MYO9B: variants seen among roughly 807,000 people sequenced by gnomAD.
MYO9B encodes the protein myosin IXB, also known as unconventional myosin-IXb.
MYO9B carries 71 observed loss-of-function variants against 229.5 expected under a neutral mutation model. The observed-to-expected ratio is 0.31, with a 90% CI of 0.26 to 0.38. MYO9B has a LOEUF of 0.38. Among genes scored for constraint, MYO9B ranks in the 10% least tolerant of loss-of-function variants. MYO9B has a pLI of 1.00. For missense variants in MYO9B, 2,255 were observed against 2,920.5 expected (o/e 0.77, Z 5.25); for synonymous variants, 1,185 against 1,235.8 (o/e 0.96, Z 0.86).
intron 14 of MYO9B, among the ~76,000 whole-genome samples, chr19:17,180,262 A>C (rs2145400142): frequency 6.6e-6 from 1 of 150,766 alleles, no homozygotes; most frequent in Admixed American, 6.6e-5. Context: ...AAATATCCCC[A>C]AAGGCTCTTA....
intron 2 of MYO9B, among the ~76,000 whole-genome samples, chr19:17,113,759 C>T (rs972550706): frequency 6.6e-6 from 1 of 151,996 alleles, no homozygotes; most frequent in Non-Finnish European, 1.5e-5. Flanking sequence ...TTTTGGGGGC[C>T]CTGGGTCTGC....
chr19:17,090,853 C>T (rs1459225578), intron 1 of MYO9B, among the ~76,000 whole-genome samples: 2 of 152,162 alleles, frequency 1.3e-5, no homozygotes, highest in Non-Finnish European at 2.9e-5. Context: ...ACAGGGACTT[C>T]AGGTCCCTGG....
intron 34 of MYO9B, 54 bp from the exon 35 acceptor site, chr19:17,207,059 T>G: frequency 6.3e-7 from 1 of 1,595,394 alleles, no homozygotes; most frequent in Non-Finnish European, 8.5e-7. Flanking sequence ...CGGGGCTCCC[T>G]GGTACCTCCC....
chr19:17,145,528 G>A, intron 3 of MYO9B, 37 bp downstream of exon 3: 3 of 1,541,582 alleles, frequency 1.9e-6, no homozygotes, highest in African/African-American at 1.4e-5. Flanking sequence ...GTGGGAGCTG[G>A]CCCCACGCAC....
rs372306525 is a variant in MYO9B at position 17,182,933 on chromosome 19, G to C, written c.2334-896G>C. On this transcript the variant is annotated intron_variant, in intron 15 of 39. Coordinates refer to ENST00000682292, the MANE Select transcript of MYO9B (RefSeq NM_004145.4). ...AAAGAGCAGCTTTGGGTTTTGGGGG[G>C]GGTTTTGAGACAGAGTCTCTCTCTG... is the stretch of plus-strand genomic sequence containing the variant. Among the ~76,000 whole-genome samples, 49 of 152,024 alleles carry C rather than the reference G, an allele frequency of 3.2e-4. No homozygotes were observed. The East Asian group carries it at 5.5e-3, about 17-fold the overall frequency.
intron 8 of MYO9B, among the ~76,000 whole-genome samples, chr19:17,160,536 G>T (rs1172125595): frequency 7.3e-6 from 1 of 137,468 alleles, no homozygotes; most frequent in Non-Finnish European, 1.5e-5. Flanking sequence ...TTGAGATAGC[G>T]TCTCACTGTT....
intron 8 of MYO9B, among the ~76,000 whole-genome samples, chr19:17,160,856 C>T (rs1418474327): frequency 1.3e-5 from 2 of 152,164 alleles, no homozygotes; most frequent in Admixed American, 6.5e-5. Context: ...TGTGCCACCA[C>T]GCCCGGCTAC....
At chr19:17,189,068 G>C (rs1312200480) in intron 19 of MYO9B, among the ~76,000 whole-genome samples, 1 of 151,888 alleles carries the variant, frequency 6.6e-6, no homozygotes. Flanking sequence ...GGCTGAGGCA[G>C]GAGAATTGCT....
At chr19:17,104,465 A>G (rs1202236558) in intron 2 of MYO9B, among the ~76,000 whole-genome samples, 1 of 152,148 alleles carries the variant, frequency 6.6e-6, no homozygotes, top group Non-Finnish European at 1.5e-5. Flanking sequence ...CATTGCAGGG[A>G]TTGTAGGACA....
intron 2 of MYO9B, among the ~76,000 whole-genome samples, chr19:17,119,613 C>G (rs1158226023): frequency 2.6e-5 from 4 of 152,010 alleles, no homozygotes; most frequent in African/African-American, 4.8e-5. Flanking sequence ...GCAGGAGGAT[C>G]ATTTGAGCTC....
At chr19:17,161,047 C>T (rs964314495) in intron 8 of MYO9B, among the ~76,000 whole-genome samples, 43 of 152,018 alleles carry the variant, frequency 2.8e-4, no homozygotes, top group African/African-American at 8.9e-4. Flanking sequence ...GCAATCCACC[C>T]GCCTCGGCTC....
In MYO9B at chr19:17,198,237, G is replaced by A. The variant is rs2073068468; in HGVS notation, c.4167G>A (p.Gln1389=). The change falls in exon 24 of 40, where the codon CAG becomes CAA. Residue 1389 remains glutamine, a synonymous_variant. Coordinates refer to ENST00000682292, the MANE Select transcript of MYO9B (RefSeq NM_004145.4). ...GERSAKKPAV[Q]KKKPGDASSL... ...GAAGTGCGAAAAAGCCAGCTGTCCA[G>A]AAGAAGAAGCCAGGCGACGCATCCT... 2 of 1,613,832 alleles carry A rather than the reference G, an allele frequency of 1.2e-6. No individual in the cohort carries two copies. Among genetic ancestry groups the A allele is most frequent in the Admixed American group, 1.7e-5 (1 of 59,982 alleles).
chr19:17,175,227 G>A (rs1017136863), intron 13 of MYO9B, among the ~76,000 whole-genome samples: 13 of 149,640 alleles, frequency 8.7e-5, no homozygotes, highest in East Asian at 2.0e-4. Context: ...AGCTGTGATC[G>A]CACCACTGCA....
At chr19:17,121,626 C>A (rs529664676) in intron 2 of MYO9B, among the ~76,000 whole-genome samples, 1 of 152,212 alleles carries the variant, frequency 6.6e-6, no homozygotes, top group African/African-American at 2.4e-5. Context: ...TAGCTACAGA[C>A]CCTCCTTCCA....
chr19:17,172,897 A>T lies in MYO9B; in HGVS notation c.2074A>T (p.Ile692Phe), dbSNP rs2072741278. Residue 692 changes from isoleucine (I) to phenylalanine (F), a missense_variant, in exon 13 of 40, where the codon ATC becomes TTC. Ile to Phe is a conservative substitution (Grantham distance 21). This residue lies in a region of MYO9B where 155 missense variants were observed against 159.1 expected (regional missense o/e 0.97). Transcript: ENST00000682292. The surrounding 1 kb of genome is among the most constrained non-coding windows in gnomAD (Gnocchi z 8.2). ...CCGCTGGGCCGTGCTCCGGGCTGCTATCCGGGCCATGGCAGTGCTTCGGGA... is the reference window on the plus strand; with the variant it reads ...CCGCTGGGCCGTGCTCCGGGCTGCTTTCCGGGCCATGGCAGTGCTTCGGGA... Reference protein sequence around the residue: ...VFRWAVLRAAIRAMAVLREAG... With the variant: ...VFRWAVLRAAFRAMAVLREAG... 1 of 1,602,482 alleles carries T rather than the reference A, an allele frequency of 6.2e-7. No individual in the cohort carries two copies. The highest frequency in any genetic ancestry group is 1.3e-5 in the African/African-American group (1 of 74,908).
rs756634070 is a variant in MYO9B, at chr19:17,212,018, G to A, written c.6182G>A (p.Arg2061Gln). The A allele has an allele frequency of 2.2e-5, 35 of 1,594,518 alleles. No homozygotes were observed. In the South Asian group the frequency reaches 3.5e-4, roughly 16 times the overall value. Reference sequence around the variant, plus strand: ...ACGGTCAGAGTGAAGACCCCCCGGCGGACCCCCATCATGCCCACGGCCAAC... The same window carrying A: ...ACGGTCAGAGTGAAGACCCCCCGGCAGACCCCCATCATGCCCACGGCCAAC... ...FVTVRVKTPR[R>Q]TPIMPTANIK... Residue 2061 changes from arginine (R) to glutamine (Q), a missense_variant, in exon 40 of 40, where the codon CGG (arginine) becomes CAG (glutamine). Around this residue, in one of 7 missense-constraint regions of MYO9B, gnomAD observed 331 missense variants for 332.5 expected, o/e 1.00. Transcript: ENST00000682292. This position sits in a 1 kb window ranked among gnomAD's most constrained non-coding sequence, Gnocchi z 5.4.
intron 7 of MYO9B, 41 bp from the exon 8 acceptor site, chr19:17,159,354 C>A: frequency 6.5e-7 from 1 of 1,534,420 alleles, no homozygotes; most frequent in Non-Finnish European, 8.9e-7. Context: ...ATAAGTCCTC[C>A]ATCTCCCTTT....
intron 2 of MYO9B, among the ~76,000 whole-genome samples, chr19:17,133,775 T>C (rs200562067): frequency 1.3e-5 from 2 of 151,142 alleles, no homozygotes; most frequent in Admixed American, 6.6e-5. Context: ...TTCTTTTTTT[T>C]CTGAGGCGGA....
intron 31 of MYO9B, 104 bp downstream of exon 31, chr19:17,205,440 C>T (rs570244225): frequency 1.1e-4 from 120 of 1,137,664 alleles, no homozygotes; most frequent in Non-Finnish European, 1.4e-4. Context: ...CATTGAGCAG[C>T]CAGTAGGGGG....
Sources: gnomAD v4.1 joint callset for allele counts (sites outside exome capture counted in the v4.1 genomes callset) on GRCh38, gnomAD v4.1.1 for gene constraint, gnomAD v4.1.1 regional missense constraint, Gnocchi (gnomAD v3.1) non-coding constraint, MANE v1.5 for transcripts, NCBI Gene and HGNC (gene_info 2026-07-23, HGNC 2026-07-21) for gene names.